Variants in USP50 observed in about 807,000 individuals in gnomAD.
The protein encoded by USP50 is ubiquitin carboxyl-terminal hydrolase 50.
USP50 carries 37 observed loss-of-function variants against 39.2 expected under a neutral mutation model. The ratio of observed to expected loss-of-function variants is 0.94; its 90% confidence interval spans 0.73 to 1.24. The LOEUF is 1.24. Among genes scored for constraint, USP50 ranks in the 50% most tolerant of loss-of-function variants. The pLI, the probability that USP50 is intolerant of heterozygous loss-of-function variation, is 0.00. For synonymous variants in USP50, 139 were observed against 144.5 expected (o/e 0.96, Z 0.27); for missense variants, 374 against 398.2 (o/e 0.94, Z 0.52).
intron 6 of USP50, chr15:50,513,007 G>A (rs1315014910): frequency 6.6e-6 from 1 of 152,032 alleles, no homozygotes; most frequent in Non-Finnish European, 1.5e-5. Flanking sequence ...TCAATAAGAA[G>A]AAAAATAACC....
At chr15:50,493,534 C>A, downstream of USP50, 1 of 514,798 alleles carries the variant, frequency 1.9e-6, no homozygotes, top group South Asian at 1.4e-5. Flanking sequence ...GGGCAGATCA[C>A]TTGGGGCCCA....
chr15:50,536,347 A>C (rs2052980025), intron 5 of USP50, among the ~76,000 whole-genome samples: 1 of 152,210 alleles, frequency 6.6e-6, no homozygotes, highest in Admixed American at 6.5e-5. Context: ...TGGAATTCAA[A>C]ATTAAAAATA....
chr15:50,543,798 G>A lies in USP50; in HGVS notation c.249-5C>T. The A allele has an allele frequency of 1.2e-6, 2 of 1,603,658 alleles. No individual in the cohort carries two copies. The highest frequency in any genetic ancestry group is 1.7e-6 in the Non-Finnish European group (2 of 1,174,610). On this transcript the variant is annotated splice_polypyrimidine_tract_variant and splice_region_variant and intron_variant, in intron 2 of 6. Coordinates refer to ENST00000532404, the MANE Select transcript of USP50 (RefSeq NM_203494.5). ...GTGGCAACTTCACTGCAATCGCTTG[G>A]AAGAAGAAAGGGATATGTTTCTGGC...
downstream of USP50, chr15:50,496,198 C>T (rs1352779533): frequency 1.6e-5 from 14 of 886,602 alleles, no homozygotes; most frequent in African/African-American, 6.8e-5. Context: ...CAGTAAAACT[C>T]GGCCGGGCGC....
intron 6 of USP50, among the ~76,000 whole-genome samples, chr15:50,516,675 A>G (rs1292511233): frequency 6.6e-6 from 1 of 152,066 alleles, no homozygotes; most frequent in Non-Finnish European, 1.5e-5. Flanking sequence ...GTAGGGATAC[A>G]TATAGACTGA....
intron 6 of USP50, chr15:50,506,468 T>A (rs1040613576): frequency 6.6e-6 from 1 of 151,892 alleles, no homozygotes; most frequent in Non-Finnish European, 1.5e-5. Context: ...CCCCCATCCA[T>A]GGGAAAAAAA....
At chr15:50,513,292 CAATG>C in intron 6 of USP50, 1 of 151,868 alleles carries the variant, frequency 6.6e-6, no homozygotes, top group East Asian at 1.9e-4. Context: ...AATTTGGAAA[CAATG>C]AAATATCAAT....
intron 5 of USP50, among the ~76,000 whole-genome samples, chr15:50,536,808 TAG>T (rs1188104022): frequency 1.3e-5 from 2 of 152,014 alleles, no homozygotes; most frequent in African/African-American, 4.8e-5. Flanking sequence ...GGAACCTAAA[TAG>T]AGAGATATAT....
At chr15:50,524,068 A>G (rs2052870278) in intron 6 of USP50, among the ~76,000 whole-genome samples, 1 of 152,246 alleles carries the variant, frequency 6.6e-6, no homozygotes, top group Non-Finnish European at 1.5e-5. Flanking sequence ...GGAAAACTGG[A>G]TATTCACAGG....
At chr15:50,498,418 T>C, downstream of USP50, 1 of 770,774 alleles carries the variant, frequency 1.3e-6, no homozygotes, top group Non-Finnish European at 1.9e-6. Flanking sequence ...TCAGTTTTCT[T>C]GTTTGTAAAA....
At chr15:50,511,749 C>CA (rs1418539447) in intron 6 of USP50, 1 of 152,322 alleles carries the variant, frequency 6.6e-6, no homozygotes, top group African/African-American at 2.4e-5. Context: ...GTAATCCCAG[C>CA]ACCTGGGGGA....
chr15:50,529,775 T>C (rs749323610), intron 6 of USP50, 22 bp downstream of exon 6: 1 of 1,607,180 alleles, frequency 6.2e-7, no homozygotes. Context: ...TGGATTACTT[T>C]TAACAGTTTG....
At chr15:50,494,138 C>T (rs959634953) in intron 1 of USP50, 2 of 1,612,402 alleles carry the variant, frequency 1.2e-6, no homozygotes, top group South Asian at 1.1e-5. Context: ...GCCCTGTGGA[C>T]AGGACAGTAT....
chr15:50,499,083 A>T (rs1823943135), downstream of USP50: 1 of 1,598,982 alleles, frequency 6.3e-7, no homozygotes, highest in Non-Finnish European at 8.5e-7. Context: ...TGATGTAGCC[A>T]CATAAGGAGA....
chr15:50,500,150 G>A (rs2052556374), downstream of USP50: 1 of 152,218 alleles, frequency 6.6e-6, no homozygotes, highest in Non-Finnish European at 1.5e-5. Context: ...CTCTCAGGGA[G>A]AAGATGAAAG....
intron 5 of USP50, among the ~76,000 whole-genome samples, chr15:50,535,135 TCACA>T (rs113407791): frequency 9.9e-4 from 143 of 144,604 alleles, no homozygotes; most frequent in East Asian, 6.2e-3. Context: ...TGAAACTCTG[TCACA>T]CACACACACA....
downstream of USP50, chr15:50,495,892 C>T (rs751144521): frequency 9.9e-6 from 16 of 1,613,634 alleles, no homozygotes; most frequent in East Asian, 2.2e-5. Flanking sequence ...ATGATCATCT[C>T]GATGACTTTA....
chr15:50,516,606 G>A (rs1252672877), intron 6 of USP50, among the ~76,000 whole-genome samples: 1 of 152,114 alleles, frequency 6.6e-6, no homozygotes, highest in Non-Finnish European at 1.5e-5. Flanking sequence ...GACAGAGTGA[G>A]ACTCCAAATC....
At chr15:50,504,031 G>A (rs920185387) in intron 6 of USP50, 22 of 152,106 alleles carry the variant, frequency 1.4e-4, no homozygotes, top group Non-Finnish European at 2.9e-4. Flanking sequence ...ATAGTTGGCC[G>A]TCCATATTTA....
Sources: gnomAD v4.1 joint callset for allele counts (sites outside exome capture counted in the v4.1 genomes callset) on GRCh38, gnomAD v4.1.1 for gene constraint, MANE v1.5 for transcripts, NCBI Gene and HGNC (gene_info 2026-07-23, HGNC 2026-07-21) for gene names.